The following KIF1C variants were observed in gnomAD, a reference collection of about 807,000 sequenced individuals.
KIF1C encodes kinesin family member 1C.
A neutral mutation model predicts 126.5 loss-of-function variants in KIF1C; 61 were observed. The observed-to-expected ratio is 0.48, with a 90% CI of 0.39 to 0.60. The LOEUF is 0.60. Ranked by LOEUF, KIF1C falls within the 20% of genes least tolerant of loss-of-function variation. The pLI is 0.00. For synonymous variants in KIF1C, 640 were observed against 580.6 expected (o/e 1.10, Z -1.47); for missense variants, 1,315 against 1,489.2 (o/e 0.88, Z 1.93).
chr17:5,007,153 G>A, intron 14 of KIF1C, 69 bp downstream of exon 14: 1 of 1,575,864 alleles, frequency 6.3e-7, no homozygotes, highest in Non-Finnish European at 8.6e-7. Flanking sequence ...CCAAAGTCAA[G>A]CTTGAGAAAG....
intron 5 of KIF1C, 126 bp downstream of exon 5, chr17:5,001,527 A>G: frequency 1.0e-6 from 1 of 972,102 alleles, no homozygotes; most frequent in Non-Finnish European, 1.5e-6. Flanking sequence ...GTGATGGGAG[A>G]TAGAGGTTGA....
chr17:5,003,715 GT>G, intron 9 of KIF1C, 26 bp downstream of exon 9: 1 of 1,604,670 alleles, frequency 6.2e-7, no homozygotes, highest in Non-Finnish European at 8.5e-7. Flanking sequence ...AGGGTGGTTT[GT>G]TGTGGGGCAG....
chr17:5,007,587 G>A, intron 16 of KIF1C, 45 bp downstream of exon 16: 1 of 1,476,504 alleles, frequency 6.8e-7, no homozygotes, highest in South Asian at 1.4e-5. Context: ...CTCTCTGGAT[G>A]CCTAGAAAAG....
rs1376160688 is a variant in KIF1C at position 5,001,255 on chromosome 17, G to A, written c.217G>A (p.Val73Met). 6.2e-7 allele frequency: 1 copy of A among 1,614,174 alleles called. No homozygotes were observed. The highest frequency in any genetic ancestry group is 1.1e-5 in the South Asian group (1 of 91,090). Reference sequence around the variant, plus strand: ...CCCCCAGTTTGCATCTCAGCAGCAAGTGTATCGGGACATTGGAGAAGAGAT... The same window carrying A: ...CCCCCAGTTTGCATCTCAGCAGCAAATGTATCGGGACATTGGAGAAGAGAT... ...EDPQFASQQQVYRDIGEEMLL... is the reference protein window; with the variant it reads ...EDPQFASQQQMYRDIGEEMLL... The change falls in exon 5 of 23, where the codon GTG becomes ATG. Residue 73 changes from valine to methionine, a missense_variant. Physicochemically the swap from Val to Met is conservative, Grantham distance 21. Coordinates refer to ENST00000320785, the MANE Select transcript of KIF1C (RefSeq NM_006612.6).
At chr17:5,004,199 C>T in intron 11 of KIF1C, 126 bp downstream of exon 11, 2 of 776,208 alleles carry the variant, frequency 2.6e-6, no homozygotes, top group East Asian at 2.5e-5. Flanking sequence ...CCCCCTGACC[C>T]TTCAAAGGGA....
chr17:5,022,867 G>C lies in KIF1C; in HGVS notation c.2628+158G>C, dbSNP rs1597864942. Among the ~76,000 whole-genome samples, 1 of 152,260 alleles carries C rather than the reference G, an allele frequency of 6.6e-6. No homozygotes were observed. The highest frequency in any genetic ancestry group is 1.9e-4 in the East Asian group (1 of 5,182). ...ATATTGTTTACGAACCACATGCCTCGCTGTCACCAGGCTGCTAATTAAAAT... is the reference window on the plus strand; with the variant it reads ...ATATTGTTTACGAACCACATGCCTCCCTGTCACCAGGCTGCTAATTAAAAT... On this transcript the variant is annotated intron_variant, in intron 22 of 22. Coordinates refer to ENST00000320785, the MANE Select transcript of KIF1C (RefSeq NM_006612.6). This position sits in a 1 kb window ranked among gnomAD's most constrained non-coding sequence, Gnocchi z 4.9.
intron 11 of KIF1C, 74 bp downstream of exon 11, chr17:5,004,147 C>T (rs1974671630): frequency 3.7e-6 from 4 of 1,069,260 alleles, no homozygotes; most frequent in African/African-American, 1.6e-5. Flanking sequence ...TGACAAATCC[C>T]CTTGCTATGC....
intron 16 of KIF1C, among the ~76,000 whole-genome samples, chr17:5,010,500 G>A (rs1488536424): frequency 6.6e-6 from 1 of 152,030 alleles, no homozygotes; most frequent in African/African-American, 2.4e-5. Context: ...TGTAATCCCA[G>A]CACTTTGGGA....
chr17:5,021,963 G>A (rs1567728348), intron 21 of KIF1C, 129 bp from the exon 22 acceptor site: 3 of 999,008 alleles, frequency 3.0e-6, no homozygotes, highest in Non-Finnish European at 4.4e-6. Context: ...GCGCTGTTGG[G>A]GTGGAGCAGG....
chr17:5,003,258 G>T (rs1974647092), intron 8 of KIF1C, among the ~76,000 whole-genome samples: 1 of 151,944 alleles, frequency 6.6e-6, no homozygotes, highest in South Asian at 2.1e-4. Flanking sequence ...TGTTGGCCAG[G>T]CTGGTCTTGA....
chr17:5,023,181 A>ATT lies in KIF1C; in HGVS notation c.2629-276_2629-275dup, dbSNP rs200967354. Among the ~76,000 whole-genome samples the ATT allele has an allele frequency of 6.9e-6, 1 of 145,972 alleles. No individual in the cohort carries two copies. The highest frequency in any genetic ancestry group is 6.9e-5 in the Admixed American group (1 of 14,592). ...AGGCGCGCACCACCACACCCGGCTA[A>ATT]TTTTTTTTTTTTGTATTTTAGTAGA... On this transcript the variant is annotated intron_variant, in intron 22 of 22. Coordinates refer to ENST00000320785, the MANE Select transcript of KIF1C (RefSeq NM_006612.6). This position sits in a 1 kb window ranked among gnomAD's most constrained non-coding sequence, Gnocchi z 4.2.
chr17:5,008,828 G>C (rs1022798253), intron 16 of KIF1C, among the ~76,000 whole-genome samples: 5 of 152,190 alleles, frequency 3.3e-5, no homozygotes, highest in African/African-American at 1.2e-4. Context: ...GGCTACGGAT[G>C]CGCTCAGCAT....
At chr17:4,999,432 G>T (rs944261210) in intron 1 of KIF1C, among the ~76,000 whole-genome samples, 1 of 152,114 alleles carries the variant, frequency 6.6e-6, no homozygotes, top group Non-Finnish European at 1.5e-5. Context: ...CCGTGTGTTT[G>T]CTGTGCTGTG....
rs376963307 is a variant in KIF1C at position 5,004,573 on chromosome 17, A to T, written c.947A>T (p.Asn316Ile). The T allele has an allele frequency of 5.6e-6, 9 of 1,613,928 alleles. No individual in the cohort carries two copies. Among genetic ancestry groups the T allele is most frequent in the South Asian group, 5.5e-5 (5 of 91,082 alleles). Residue 316 changes from asparagine (N) to isoleucine (I), a missense_variant, in exon 12 of 23, where the codon AAC becomes ATC. Physicochemically the swap from Asn to Ile is moderately radical, Grantham distance 149. Transcript: ENST00000320785. ...CCATGCACTCCATTCACAGGGGGGA[A>T]CTCACGCACAGCCATGATTGCAGCC... ...TWLLKENLGG[N>I]SRTAMIAALS...
rs1975223237 is a variant in KIF1C, at chr17:5,027,200, C to T, written c.*3049C>T. The T allele has an allele frequency of 6.6e-6, 1 of 152,246 alleles. No homozygotes were observed. Among genetic ancestry groups the T allele is most frequent in the Non-Finnish European group, 1.5e-5 (1 of 68,056 alleles). 9.4% of individuals were successfully genotyped at this position (152,246 alleles called of 1,614,324 possible). On this transcript the variant is annotated 3_prime_UTR_variant, in exon 23 of 23. Coordinates refer to ENST00000320785, the MANE Select transcript of KIF1C (RefSeq NM_006612.6). Reference sequence around the variant, plus strand: ...CTGGAGTGCGATGGCACAATCTTGGCTCACTACAACCTCCGCTTCCTGGGT... The same window carrying T: ...CTGGAGTGCGATGGCACAATCTTGGTTCACTACAACCTCCGCTTCCTGGGT...
At position 5,000,313 on chromosome 17, in the gene KIF1C, G is replaced by A. The variant is rs1404468705; in HGVS notation, c.67G>A (p.Asp23Asn). The part of the protein sequence containing the change: ...RPFNARETSQ[D>N]AKCVVSMQGN... ...CTTTAACGCCCGTGAGACCAGCCAG[G>A]ATGCCAAGTGTGTGGTCAGCATGCA... Residue 23 changes from aspartate (D) to asparagine (N), a missense_variant, in exon 3 of 23, where the codon GAT becomes AAT. Transcript: ENST00000320785. The A allele has an allele frequency of 1.3e-6, 2 of 1,594,230 alleles. No individual in the cohort carries two copies. Among genetic ancestry groups the A allele is most frequent in the Non-Finnish European group, 1.7e-6 (2 of 1,171,608 alleles).
chr17:4,997,978 C>CGCTGGCGCCGCTACTGCT lies in KIF1C; in HGVS notation c.-324_-307dup, dbSNP rs1974423321. 6.8e-6 allele frequency: 1 copy of CGCTGGCGCCGCTACTGCT among 146,486 alleles called. No homozygotes were observed. Among genetic ancestry groups the CGCTGGCGCCGCTACTGCT allele is most frequent in the African/African-American group, 2.5e-5 (1 of 40,562 alleles). 9.1% of individuals were successfully genotyped at this position (146,486 alleles called of 1,614,324 possible). ...TCGCGCTGCCCGGGCGGGCGCCGGCCGCTGGCGCCGCTACTGCTGCCGCCC... is the reference window on the plus strand; with the variant it reads ...TCGCGCTGCCCGGGCGGGCGCCGGCCGCTGGCGCCGCTACTGCTGCTGGCGCCGCTACTGCTGCCGCCC... On this transcript the variant is annotated 5_prime_UTR_variant, in exon 1 of 23. Transcript: ENST00000320785.
rs202232792 is a variant in KIF1C at position 5,023,573 on chromosome 17, C to T, written c.2734C>T (p.Arg912Trp). 2,483 of 1,613,520 alleles carry T rather than the reference C, an allele frequency of 1.5e-3. 7 individuals are homozygous for T. The highest frequency in any genetic ancestry group is 6.8e-3 in the East Asian group (306 of 44,858). Residue 912 changes from arginine to tryptophan, a missense_variant, in exon 23 of 23, where the codon CGG (arginine) becomes TGG (tryptophan). Arg to Trp is a moderately radical substitution (Grantham distance 101, BLOSUM62 -3). Coordinates refer to ENST00000320785, the MANE Select transcript of KIF1C (RefSeq NM_006612.6). This position sits in a 1 kb window ranked among gnomAD's most constrained non-coding sequence, Gnocchi z 4.2. ...CCCCAGTGACCGCATGCCGTCAGCC[C>T]GGCCCCCCTCGCCACCACTGTCAAG... ...AAPSDRMPSARPPSPPLSSWE... is the reference protein window; with the variant it reads ...AAPSDRMPSAWPPSPPLSSWE...
chr17:5,024,180 G>C lies in KIF1C; in HGVS notation c.*29G>C, dbSNP rs762570448. ...CCACATCCTGGGCAGAGGGCCTGGT[G>C]GGGCCCCTTGCTAGGAGAAGGGAAG... On this transcript the variant is annotated 3_prime_UTR_variant, in exon 23 of 23. Transcript: ENST00000320785. 1 of 1,518,774 alleles carries C rather than the reference G, an allele frequency of 6.6e-7. No homozygotes were observed. The highest frequency in any genetic ancestry group is 1.4e-5 in the African/African-American group (1 of 71,456). The allele number at this position is 1,518,774 out of a possible 1,614,324, so 94.1% of individuals were successfully genotyped here.
Sources: allele counts gnomAD v4.1 joint callset (sites outside exome capture counted in the v4.1 genomes callset), GRCh38; gene constraint gnomAD v4.1.1; non-coding constraint Gnocchi (gnomAD v3.1); transcripts MANE v1.5; gene names NCBI Gene and HGNC (gene_info 2026-07-23, HGNC 2026-07-21).